GALNT18: variants seen among roughly 807,000 people sequenced by gnomAD.
GALNT18 encodes the protein GalNAc-transferase 18.
A neutral mutation model predicts 69.5 loss-of-function variants in GALNT18; 44 were observed. That is an observed-to-expected ratio of 0.63 (90% CI 0.50 to 0.81). The LOEUF (loss-of-function observed/expected upper bound fraction) is 0.81. GALNT18 is among the 40% of genes least tolerant of loss of function. The pLI is 0.00. For missense variants in GALNT18, 715 were observed against 810.0 expected, an observed-to-expected ratio of 0.88 and a Z score of 1.42; for synonymous variants, 364 against 318.2, an observed-to-expected ratio of 1.14 and a Z score of -1.53.
intron 10 of GALNT18, 129 bp from the exon 11 acceptor site, chr11:11,271,419 C>G: frequency 1.1e-6 from 1 of 888,878 alleles, no homozygotes; most frequent in Non-Finnish European, 1.8e-6. Flanking sequence ...GGTCAGCATT[C>G]CCATGAAACT....
In GALNT18 at chr11:11,621,878, C is replaced by T. The variant is rs747448802; in HGVS notation, c.-285G>A. ...TCCTAGAGGGGTCACGGGTAGCCGG[C>T]AGCCGCGCGTCCAGATGTGTACGTC... is the stretch of plus-strand genomic sequence containing the variant. On this transcript the variant is annotated 5_prime_UTR_variant, in exon 1 of 11. Coordinates refer to ENST00000227756, the MANE Select transcript of GALNT18 (RefSeq NM_198516.3). The surrounding 1 kb of genome is among the most constrained non-coding windows in gnomAD (Gnocchi z 9.3). The T allele has an allele frequency of 2.4e-5, 8 of 332,542 alleles. No individual in the cohort carries two copies. The highest frequency in any genetic ancestry group is 3.9e-5 in the Non-Finnish European group (7 of 181,670). 20.6% of individuals were successfully genotyped at this position (332,542 alleles called of 1,614,324 possible).
chr11:11,486,075 G>A (rs541916656), intron 1 of GALNT18, among the ~76,000 whole-genome samples: 2 of 152,314 alleles, frequency 1.3e-5, no homozygotes, highest in African/African-American at 4.8e-5. Context: ...CCCTGGGAGT[G>A]CGTGGGAATC....
rs1859644610 is a variant in GALNT18 at position 11,601,955 on chromosome 11, T to G, written c.235+19404A>C. Among the ~76,000 whole-genome samples the G allele has an allele frequency of 1.3e-5, 2 of 152,208 alleles. No individual in the cohort carries two copies. Among genetic ancestry groups the G allele is most frequent in the Admixed American group, 1.3e-4 (2 of 15,288 alleles). On this transcript the variant is annotated intron_variant, in intron 1 of 10. Coordinates refer to ENST00000227756, the MANE Select transcript of GALNT18 (RefSeq NM_198516.3). This position sits in a 1 kb window ranked among gnomAD's most constrained non-coding sequence, Gnocchi z 4.0. ...ACTGTGCTAGGTCGTCTAGCTGGCC[T>G]ACTCTGTTTGTTTTGTTGCTATTAT... is the stretch of plus-strand genomic sequence containing the variant.
chr11:11,329,612 G>T (rs139928970), intron 8 of GALNT18, among the ~76,000 whole-genome samples: 105 of 152,310 alleles, frequency 6.9e-4, no homozygotes, highest in African/African-American at 2.3e-3. Context: ...ATTTCTCAGG[G>T]TAGCACTTAG....
At chr11:11,354,814 G>T (rs570600150) in intron 6 of GALNT18, among the ~76,000 whole-genome samples, 1 of 151,994 alleles carries the variant, frequency 6.6e-6, no homozygotes, top group Non-Finnish European at 1.5e-5. Context: ...TGTCCAAAAC[G>T]AAGTTCCCGA....
intron 3 of GALNT18, among the ~76,000 whole-genome samples, chr11:11,405,805 G>A (rs1854576337): frequency 6.6e-6 from 1 of 152,244 alleles, no homozygotes; most frequent in African/African-American, 2.4e-5. Context: ...ATGCAGCGAT[G>A]GGTAAGAGTT....
rs1858571650 is a variant in GALNT18, at chr11:11,563,674, A to T, written c.235+57685T>A. The stretch of plus-strand genomic sequence containing the variant: ...TGCTGGTGGGGGCCCCACAGCCGGC[A>T]AGTGGGATTCAAACCCAGGCTTCCC... On this transcript the variant is annotated intron_variant, in intron 1 of 10. Transcript: ENST00000227756. This position sits in a 1 kb window ranked among gnomAD's most constrained non-coding sequence, Gnocchi z 4.6. Among the ~76,000 whole-genome samples, 1 of 152,194 alleles carries T rather than the reference A, an allele frequency of 6.6e-6. No individual in the cohort carries two copies. Among genetic ancestry groups the T allele is most frequent in the African/African-American group, 2.4e-5 (1 of 41,456 alleles).
intron 3 of GALNT18, among the ~76,000 whole-genome samples, chr11:11,412,469 A>G (rs1454559232): frequency 6.6e-6 from 1 of 152,164 alleles, no homozygotes; most frequent in Non-Finnish European, 1.5e-5. Flanking sequence ...TCTGTCCATC[A>G]TCAGATGGCC....
At position 11,404,434 on chromosome 11, in the gene GALNT18, G is replaced by A. The variant is rs997488476; in HGVS notation, c.596-25170C>T. Among the ~76,000 whole-genome samples, 3 of 152,164 alleles carry A rather than the reference G, an allele frequency of 2.0e-5. No homozygotes were observed. The highest frequency in any genetic ancestry group is 4.4e-5 in the Non-Finnish European group (3 of 68,022). On this transcript the variant is annotated intron_variant, in intron 3 of 10. Coordinates refer to ENST00000227756, the MANE Select transcript of GALNT18 (RefSeq NM_198516.3). The surrounding 1 kb of genome is among the most constrained non-coding windows in gnomAD (Gnocchi z 4.5). ...AGCAAGGCAAGAGGAGCAGGAGCAG[G>A]AGCTGAAGCACTCAAAGGCTGATGT...
chr11:11,621,771 G>T lies in GALNT18; in HGVS notation c.-178C>A, dbSNP rs1860200286. ...TGTAGCCGCCGTGCCCAAGTTTGCA[G>T]CTCCTGCCGCTGGCCACCCGGAGAG... On this transcript the variant is annotated 5_prime_UTR_variant, in exon 1 of 11. It adds an upstream start codon to the 5' untranslated region. Coordinates refer to ENST00000227756, the MANE Select transcript of GALNT18 (RefSeq NM_198516.3). This position sits in a 1 kb window ranked among gnomAD's most constrained non-coding sequence, Gnocchi z 9.3. 3.3e-6 allele frequency: 2 copies of T among 600,198 alleles called. No individual in the cohort carries two copies. The highest frequency in any genetic ancestry group is 5.9e-5 in the Admixed American group (2 of 33,704). 37.2% of individuals were successfully genotyped at this position (600,198 alleles called of 1,614,324 possible). A position where few individuals can be genotyped will look rare whatever the true frequency, so the allele number is the denominator to read the frequency against.
In GALNT18 at chr11:11,511,308, T is replaced by G. The variant is rs540608639; in HGVS notation, c.236-62372A>C. On this transcript the variant is annotated intron_variant, in intron 1 of 10. Coordinates refer to ENST00000227756, the MANE Select transcript of GALNT18 (RefSeq NM_198516.3). This position sits in a 1 kb window ranked among gnomAD's most constrained non-coding sequence, Gnocchi z 4.9. ...GCAGGGAGGGCTCCTTGAAGCTAAT[T>G]ACTGCCACCAGGCCCTGGTCTCAGA... is the stretch of plus-strand genomic sequence containing the variant. Among the ~76,000 whole-genome samples the G allele has an allele frequency of 6.6e-6, 1 of 152,274 alleles. No homozygotes were observed. The highest frequency in any genetic ancestry group is 2.1e-4 in the South Asian group (1 of 4,830).
chr11:11,567,126 C>T (rs1858673749), intron 1 of GALNT18, among the ~76,000 whole-genome samples: 1 of 152,148 alleles, frequency 6.6e-6, no homozygotes, highest in Non-Finnish European at 1.5e-5. Context: ...TCAAGAGCAG[C>T]CAGGAGCAAA....
rs1328648661 is a variant in GALNT18 at position 11,314,333 on chromosome 11, A to G, written c.1512+12753T>C. Among the ~76,000 whole-genome samples the G allele has an allele frequency of 6.6e-6, 1 of 152,170 alleles. No homozygotes were observed. Among genetic ancestry groups the G allele is most frequent in the Non-Finnish European group, 1.5e-5 (1 of 68,042 alleles). ...ACAACTCTAATTGTGGAGTTTGGAC[A>G]TGAAGTGAAGAACATATCATGTGGA... is the stretch of plus-strand genomic sequence containing the variant. On this transcript the variant is annotated intron_variant, in intron 9 of 10. Coordinates refer to ENST00000227756, the MANE Select transcript of GALNT18 (RefSeq NM_198516.3). This position sits in a 1 kb window ranked among gnomAD's most constrained non-coding sequence, Gnocchi z 5.2.
chr11:11,365,649 T>A (rs185992164), intron 6 of GALNT18, among the ~76,000 whole-genome samples: 2 of 152,338 alleles, frequency 1.3e-5, no homozygotes, highest in Non-Finnish European at 2.9e-5. Context: ...CTCACAAGCA[T>A]CTATTGTTTC....
intron 6 of GALNT18, among the ~76,000 whole-genome samples, chr11:11,362,340 G>A (rs910731582): frequency 3.9e-5 from 6 of 152,104 alleles, no homozygotes; most frequent in African/African-American, 1.2e-4. Context: ...GAAAAAACAC[G>A]AAAAAAGCAG....
Position 11,271,102 on chromosome 11 carries a change from C to T in GALNT18, c.*42G>A, listed in dbSNP as rs751816422. 4 of 1,591,550 alleles carry T rather than the reference C, an allele frequency of 2.5e-6. No homozygotes were observed. The highest frequency in any genetic ancestry group is 2.6e-6 in the Non-Finnish European group (3 of 1,164,018). On this transcript the variant is annotated 3_prime_UTR_variant, in exon 11 of 11. Coordinates refer to ENST00000227756, the MANE Select transcript of GALNT18 (RefSeq NM_198516.3). ...ACAGCAGGCAACGTTGCAGCAGGTG[C>T]TACACAGTAGCAAAGAGGCAGCCGG...
chr11:11,537,118 A>G (rs1237465478), intron 1 of GALNT18, among the ~76,000 whole-genome samples: 1 of 152,342 alleles, frequency 6.6e-6, no homozygotes, highest in Admixed American at 6.5e-5. Context: ...GCTGATCTTC[A>G]TAATAATTCT....
intron 3 of GALNT18, among the ~76,000 whole-genome samples, chr11:11,425,604 C>A (rs1855109397): frequency 6.6e-6 from 1 of 151,850 alleles, no homozygotes. Context: ...AAACTGACTA[C>A]AGCAAAGAAA....
At chr11:11,331,589 A>G (rs1185582251) in intron 8 of GALNT18, among the ~76,000 whole-genome samples, 2 of 152,226 alleles carry the variant, frequency 1.3e-5, no homozygotes, top group Non-Finnish European at 2.9e-5. Flanking sequence ...TTCTTCCTTC[A>G]AGTTTTCATC....
Sources: gnomAD v4.1 joint callset for allele counts (sites outside exome capture counted in the v4.1 genomes callset) on GRCh38, gnomAD v4.1.1 for gene constraint, Gnocchi (gnomAD v3.1) non-coding constraint, MANE v1.5 for transcripts, NCBI Gene and HGNC (gene_info 2026-07-23, HGNC 2026-07-21) for gene names.